The following DMD variants were observed in gnomAD, a reference collection of about 807,000 sequenced individuals.
The protein encoded by DMD is mutant dystrophin.
Under a neutral mutation model 330.1 loss-of-function variants are expected in DMD, and 63 were observed. The ratio of observed to expected loss-of-function variants is 0.19; its 90% CI spans 0.16 to 0.24. The LOEUF (loss-of-function observed/expected upper bound fraction) is 0.24. DMD is among the 10% of genes least tolerant of loss of function. DMD has a pLI of 1.00. For missense variants in DMD, 3,344 were observed against 2,684.1 expected, an observed-to-expected ratio of 1.25 and a Z score of -5.43; for synonymous variants, 1,223 against 959.8, an observed-to-expected ratio of 1.27 and a Z score of -5.07.
At chrX:31,595,621 T>C (rs1157481403) in intron 55 of DMD, among the ~76,000 whole-genome samples, 1 of 110,911 alleles carries the variant, frequency 9.0e-6, no homozygotes, top group Non-Finnish European at 1.9e-5. Context: ...TAATATAACT[T>C]TGGGCCCATC....
intron 44 of DMD, among the ~76,000 whole-genome samples, chrX:31,992,263 T>C (rs749141852): frequency 8.9e-6 from 1 of 112,164 alleles, no homozygotes; most frequent in East Asian, 2.8e-4. Context: ...TAGTTTTTCT[T>C]AAAGAATAAA....
chrX:33,095,098 T>C (rs1048038291), intron 1 of DMD, among the ~76,000 whole-genome samples: 6 of 112,528 alleles, frequency 5.3e-5, no homozygotes, highest in African/African-American at 1.6e-4. Context: ...TGCATACAAA[T>C]ATATCAATAC....
rs369796687 is a variant in DMD, at chrX:32,140,714, AAATGTGGAGACGCAAG to A, written c.6438+76186_6438+76201del. ...ACTTCTTACATGGAAGCAGAAGAGA[AAATGTGGAGACGCAAG>A]AGCAGAAACCCCTGATAAAACCAAC... On this transcript the variant is annotated intron_variant, in intron 44 of 78. Coordinates refer to ENST00000357033, the MANE Select transcript of DMD (RefSeq NM_004006.3). Among the ~76,000 whole-genome samples, 439 of 111,512 alleles carry A rather than the reference AAATGTGGAGACGCAAG, an allele frequency of 3.9e-3. 3 individuals carry two copies. The highest frequency in any genetic ancestry group is 0.013 in the African/African-American group (410 of 30,685).
At chrX:33,202,602 A>G (rs907940175) in intron 1 of DMD, among the ~76,000 whole-genome samples, 8 of 111,919 alleles carry the variant, frequency 7.1e-5, no homozygotes, top group Non-Finnish European at 1.5e-4. Context: ...AGACAGATCA[A>G]TGTTTCATTA....
At chrX:32,983,556 CACACACACACACACACACAT>C (rs1388835506) in intron 2 of DMD, among the ~76,000 whole-genome samples, 2,316 of 94,118 alleles carry the variant, frequency 0.025, 70 homozygotes, top group African/African-American at 0.11. Flanking sequence ...CACACACACA[CACACACACACACACACACAT>C]ATAGGAACAC....
At chrX:33,080,974 T>TCACA (rs763162216) in intron 1 of DMD, among the ~76,000 whole-genome samples, 1,325 of 92,684 alleles carry the variant, frequency 0.014, 35 homozygotes, top group Admixed American at 0.069. Context: ...TTTATAAACA[T>TCACA]CACACACACA....
chrX:32,685,255 C>T (rs777687714), intron 9 of DMD, among the ~76,000 whole-genome samples: 4 of 111,171 alleles, frequency 3.6e-5, no homozygotes, highest in East Asian at 2.8e-4. Context: ...GAAGAATCCA[C>T]GGGCTAATCT....
intron 9 of DMD, among the ~76,000 whole-genome samples, chrX:32,668,392 G>C (rs1001377238): frequency 9.0e-6 from 1 of 111,473 alleles, no homozygotes; most frequent in Admixed American, 9.5e-5. Context: ...TCAAAACTCA[G>C]ACTATTTACT....
chrX:32,782,289 CACAAA>C (rs1427836035), intron 7 of DMD, among the ~76,000 whole-genome samples: 3 of 111,014 alleles, frequency 2.7e-5, no homozygotes, highest in Non-Finnish European at 5.7e-5. Flanking sequence ...ATAACATAAG[CACAAA>C]ACAAAACAAA....
At chrX:32,599,996 T>A (rs1222975711) in intron 12 of DMD, among the ~76,000 whole-genome samples, 4 of 112,392 alleles carry the variant, frequency 3.6e-5, no homozygotes, top group Non-Finnish European at 7.5e-5. Flanking sequence ...TTGTTATACC[T>A]CTGTGAATAA....
intron 60 of DMD, among the ~76,000 whole-genome samples, chrX:31,383,072 G>GA (rs905048773): frequency 9.2e-6 from 1 of 109,204 alleles, no homozygotes; most frequent in Non-Finnish European, 1.9e-5. Context: ...CAAAAGAAGT[G>GA]AAAATGGCCG....
chrX:31,479,000 A>G lies in DMD; in HGVS notation c.8651T>C (p.Leu2884Pro), dbSNP rs368876795. The change falls in exon 58 of 79, where the codon CTC becomes CCC. Residue 2884 changes from leucine to proline, a missense_variant. Coordinates refer to ENST00000357033, the MANE Select transcript of DMD (RefSeq NM_004006.3). ...TEQPLEGLEK[L>P]YQEPRELPPE... ...TCAATTACCTCTGGGCTCCTGGTAG[A>G]GTTTCTCTAGTCCTTCCAAAGGCTG... 5.1e-5 allele frequency: 61 copies of G among 1,207,722 alleles called. No individual in the cohort carries two copies. The highest frequency in any genetic ancestry group is 6.4e-5 in the Non-Finnish European group (57 of 893,523).
At chrX:31,837,450 A>G (rs965472067) in intron 48 of DMD, among the ~76,000 whole-genome samples, 1 of 112,178 alleles carries the variant, frequency 8.9e-6, no homozygotes, top group Non-Finnish European at 1.9e-5. Context: ...GTATATGAAT[A>G]TAAGCATTTT....
intron 45 of DMD, among the ~76,000 whole-genome samples, chrX:31,941,383 T>G (rs1030885547): frequency 6.3e-5 from 7 of 111,115 alleles, no homozygotes; most frequent in Non-Finnish European, 1.3e-4. Context: ...CAGCTCCCGG[T>G]TTTTTAAGCT....
chrX:32,620,283 A>T (rs894012228), intron 11 of DMD, among the ~76,000 whole-genome samples: 6 of 111,692 alleles, frequency 5.4e-5, no homozygotes, highest in Non-Finnish European at 1.1e-4. Flanking sequence ...TACCACTCAC[A>T]CTCTTCATAT....
chrX:31,170,386 T>C (rs1257055993), intron 73 of DMD, among the ~76,000 whole-genome samples: 3 of 111,144 alleles, frequency 2.7e-5, no homozygotes, highest in Non-Finnish European at 3.8e-5. Flanking sequence ...CAATCTTTCC[T>C]GGAAACTAGG....
chrX:32,373,782 T>A (rs773546567), intron 34 of DMD, among the ~76,000 whole-genome samples: 1 of 111,670 alleles, frequency 9.0e-6, no homozygotes, highest in African/African-American at 3.3e-5. Context: ...TTCTTCTCTA[T>A]TAGGAAGCTC....
chrX:33,099,659 T>A (rs2095216808), intron 1 of DMD, among the ~76,000 whole-genome samples: 1 of 112,226 alleles, frequency 8.9e-6, no homozygotes, highest in Admixed American at 9.5e-5. Flanking sequence ...TCCATATCTA[T>A]CTAGAAACAT....
intron 54 of DMD, among the ~76,000 whole-genome samples, chrX:31,651,941 C>A (rs1439893195): frequency 9.0e-6 from 1 of 111,668 alleles, no homozygotes; most frequent in Non-Finnish European, 1.9e-5. Context: ...TCCAATAACT[C>A]CCATCTCATT....
Sources: gnomAD v4.1 joint callset for allele counts (sites outside exome capture counted in the v4.1 genomes callset) on GRCh38, gnomAD v4.1.1 for gene constraint, MANE v1.5 for transcripts, NCBI Gene and HGNC (gene_info 2026-07-23, HGNC 2026-07-21) for gene names.